Variants in AUTS2 observed in about 807,000 individuals in gnomAD.
AUTS2 encodes the protein autism susceptibility gene 2 protein.
Under a neutral mutation model 112.4 loss-of-function variants are expected in AUTS2, and 17 were observed. The ratio of observed to expected loss-of-function variants is 0.15; its 90% CI spans 0.10 to 0.23. The LOEUF (loss-of-function observed/expected upper bound fraction) is 0.23, where lower values mean the gene tolerates loss of function less well. Among genes scored for constraint, AUTS2 ranks in the 10% least tolerant of loss-of-function variants. The pLI is 1.00. For missense variants in AUTS2, 1,510 were observed against 1,701.6 expected (o/e 0.89, Z 1.98); for synonymous variants, 751 against 702.7 (o/e 1.07, Z -1.09).
chr7:70,515,499 G>A (rs1563008819), intron 5 of AUTS2, among the ~76,000 whole-genome samples: 1 of 152,124 alleles, frequency 6.6e-6, no homozygotes, highest in African/African-American at 2.4e-5. Context: ...TTGCCTCGGT[G>A]AGGATTGTTT....
chr7:70,270,946 T>TC (rs1241968271), intron 4 of AUTS2, among the ~76,000 whole-genome samples: 2 of 152,078 alleles, frequency 1.3e-5, no homozygotes, highest in Non-Finnish European at 2.9e-5. Flanking sequence ...TGAGCATCCT[T>TC]CCCCTGAGTG....
rs1254122841 is a variant in AUTS2, at chr7:69,985,245, AAAG to A, written c.522+85750_522+85752del. Among the ~76,000 whole-genome samples the A allele has an allele frequency of 2.6e-5, 4 of 151,230 alleles. No individual in the cohort carries two copies. The East Asian group carries it at 7.7e-4, about 29-fold the overall frequency. ...GACTCTCTAAAAAAAAAAAAAAAAA[AAAG>A]AAAGGAAAAGAAAACGTGCCCTGTT... is the stretch of plus-strand genomic sequence containing the variant. On this transcript the variant is annotated intron_variant, in intron 2 of 18. Transcript: ENST00000342771.
chr7:69,980,671 C>G (rs999096595), intron 2 of AUTS2, among the ~76,000 whole-genome samples: 3 of 152,036 alleles, frequency 2.0e-5, no homozygotes, highest in African/African-American at 7.2e-5. Flanking sequence ...CTCACCAGTC[C>G]TTTCATGTAG....
chr7:70,756,778 T>A (rs1789239353), intron 6 of AUTS2, among the ~76,000 whole-genome samples: 1 of 152,208 alleles, frequency 6.6e-6, no homozygotes, highest in South Asian at 2.1e-4. Flanking sequence ...CCCTTGCATA[T>A]GACCCAGATA....
chr7:70,355,107 T>G (rs11770550), intron 4 of AUTS2, among the ~76,000 whole-genome samples: 38,608 of 143,788 alleles, frequency 0.27, 5,349 homozygotes, highest in African/African-American at 0.37. Context: ...TATGTATGGG[T>G]GTGTGTGTGT....
At chr7:70,007,352 A>G (rs961715908) in intron 2 of AUTS2, among the ~76,000 whole-genome samples, 8 of 152,182 alleles carry the variant, frequency 5.3e-5, no homozygotes, top group Non-Finnish European at 8.8e-5. Flanking sequence ...AGAAAATACA[A>G]AGTCATCCAT....
chr7:70,306,634 C>T (rs761840959), intron 4 of AUTS2, among the ~76,000 whole-genome samples: 1 of 152,162 alleles, frequency 6.6e-6, no homozygotes, highest in African/African-American at 2.4e-5. Context: ...GAGACTTGAA[C>T]AAACACTGGG....
intron 17 of AUTS2, 179 bp from the exon 18 acceptor site, chr7:70,787,030 C>T: frequency 1.4e-6 from 1 of 721,610 alleles, no homozygotes; most frequent in Non-Finnish European, 2.4e-6. Flanking sequence ...AGCTACCTCT[C>T]CAGTGTAGGA....
intron 1 of AUTS2, among the ~76,000 whole-genome samples, chr7:69,610,074 T>G (rs1023824407): frequency 2.6e-5 from 4 of 152,200 alleles, no homozygotes; most frequent in African/African-American, 9.6e-5. Context: ...CCCAACTATT[T>G]TATTAATCTT....
At chr7:70,152,303 TA>T (rs1807484729) in intron 4 of AUTS2, among the ~76,000 whole-genome samples, 1 of 151,744 alleles carries the variant, frequency 6.6e-6, no homozygotes, top group African/African-American at 2.4e-5. Context: ...ATCAGAAACA[TA>T]AAGAAAATTA....
chr7:70,436,121 C>T (rs1053762025), intron 5 of AUTS2: 6 of 233,180 alleles, frequency 2.6e-5, no homozygotes, highest in African/African-American at 9.0e-5. Context: ...ATGATGAGAA[C>T]GTTAAACTTG....
rs751652240 is a variant in AUTS2, at chr7:70,536,055, C to T, written c.690+100274C>T. Among the ~76,000 whole-genome samples the T allele has an allele frequency of 4.6e-5, 7 of 152,112 alleles. No individual in the cohort carries two copies. In the East Asian group the frequency reaches 5.8e-4, roughly 13 times the overall value. On this transcript the variant is annotated intron_variant, in intron 5 of 18. Coordinates refer to ENST00000342771, the MANE Select transcript of AUTS2 (RefSeq NM_015570.4). ...TGTAAAAGTAGTTAAGAGGCCGGCA[C>T]GGTGGCTCACCCCTGTAATACCAGC...
intron 1 of AUTS2, among the ~76,000 whole-genome samples, chr7:69,838,672 G>A (rs558267403): frequency 4.5e-4 from 69 of 152,134 alleles, no homozygotes; most frequent in Non-Finnish European, 7.8e-4. Flanking sequence ...GATTCTTTTA[G>A]CAGTGGAACT....
At chr7:70,168,539 C>T (rs998850247) in intron 4 of AUTS2, among the ~76,000 whole-genome samples, 2 of 152,122 alleles carry the variant, frequency 1.3e-5, no homozygotes, top group African/African-American at 4.8e-5. Context: ...TGGTCTTGTA[C>T]TCCTGAACCT....
intron 4 of AUTS2, among the ~76,000 whole-genome samples, chr7:70,341,926 T>G (rs1791283058): frequency 6.6e-6 from 1 of 152,250 alleles, no homozygotes; most frequent in Non-Finnish European, 1.5e-5. Flanking sequence ...CTGGTTTTCT[T>G]GATTTCTTTC....
intron 4 of AUTS2, among the ~76,000 whole-genome samples, chr7:70,181,898 C>T (rs1562769379): frequency 6.8e-6 from 1 of 146,394 alleles, no homozygotes; most frequent in Non-Finnish European, 1.5e-5. Context: ...CCCAGGTTCA[C>T]GCCATTCTCC....
intron 5 of AUTS2, among the ~76,000 whole-genome samples, chr7:70,500,007 T>G (rs1288651915): frequency 1.3e-5 from 2 of 152,078 alleles, no homozygotes; most frequent in Admixed American, 6.5e-5. Flanking sequence ...GTGCCATAGC[T>G]CAAGACACGA....
At chr7:69,959,987 A>G (rs1191835656) in intron 2 of AUTS2, among the ~76,000 whole-genome samples, 1 of 151,832 alleles carries the variant, frequency 6.6e-6, no homozygotes, top group South Asian at 2.1e-4. Flanking sequence ...ATTTTTTTTT[A>G]ATCTGTCTGG....
intron 4 of AUTS2, among the ~76,000 whole-genome samples, chr7:70,222,113 CACATTA>C (rs1226294078): frequency 6.6e-6 from 1 of 152,100 alleles, no homozygotes; most frequent in Non-Finnish European, 1.5e-5. Flanking sequence ...TTAAATTTTT[CACATTA>C]ACATTACTTA....
Sources: gnomAD v4.1 joint callset for allele counts (sites outside exome capture counted in the v4.1 genomes callset) on GRCh38, gnomAD v4.1.1 for gene constraint, MANE v1.5 for transcripts, NCBI Gene and HGNC (gene_info 2026-07-23, HGNC 2026-07-21) for gene names.